Variants in ATP8A2 observed in about 807,000 individuals in gnomAD.
The protein encoded by ATP8A2 is phospholipid-transporting ATPase IB.
A neutral mutation model predicts 165.6 loss-of-function variants in ATP8A2; 100 were observed. That is an observed-to-expected ratio of 0.60 (90% CI 0.51 to 0.71). The LOEUF (loss-of-function observed/expected upper bound fraction) is 0.71. Among genes scored for constraint, ATP8A2 ranks in the 30% least tolerant of loss-of-function variants. The pLI is 0.00. For missense variants in ATP8A2, 1,227 were observed against 1,479.5 expected, an observed-to-expected ratio of 0.83 and a Z score of 2.80; for synonymous variants, 543 against 548.8, an observed-to-expected ratio of 0.99 and a Z score of 0.15.
chr13:25,549,478 C>A (rs961399944), intron 10 of ATP8A2, among the ~76,000 whole-genome samples: 5 of 147,130 alleles, frequency 3.4e-5, no homozygotes, highest in African/African-American at 1.3e-4. Context: ...AAAAAAAAAG[C>A]CTGGGCCCAT....
chr13:25,381,787 G>A (rs2032846848), intron 1 of ATP8A2, among the ~76,000 whole-genome samples: 1 of 152,150 alleles, frequency 6.6e-6, no homozygotes, highest in Admixed American at 6.5e-5. Context: ...GAGCCCCAGG[G>A]TAGGAGAGCT....
chr13:25,428,186 A>G (rs1259742752), intron 1 of ATP8A2, among the ~76,000 whole-genome samples: 2 of 152,062 alleles, frequency 1.3e-5, no homozygotes, highest in South Asian at 2.1e-4. Context: ...CCTGTCTCAA[A>G]AAAAAAAGTC....
chr13:25,861,779 G>A (rs1270548487), intron 32 of ATP8A2, among the ~76,000 whole-genome samples: 2 of 152,096 alleles, frequency 1.3e-5, no homozygotes, highest in African/African-American at 4.8e-5. Context: ...CACATTAAGA[G>A]GACAAAGAAG....
At chr13:25,485,892 A>C (rs1207127854) in intron 2 of ATP8A2, among the ~76,000 whole-genome samples, 1 of 152,158 alleles carries the variant, frequency 6.6e-6, no homozygotes, top group Non-Finnish European at 1.5e-5. Context: ...ATTGTTGGGA[A>C]AGAGTGAGTT....
At chr13:25,537,743 C>A (rs1040012160) in intron 6 of ATP8A2, among the ~76,000 whole-genome samples, 2 of 152,174 alleles carry the variant, frequency 1.3e-5, no homozygotes, top group Non-Finnish European at 2.9e-5. Context: ...TGACTTAGCC[C>A]TTTTCTCCCT....
intron 24 of ATP8A2, among the ~76,000 whole-genome samples, chr13:25,612,126 A>G (rs2040703246): frequency 6.6e-6 from 1 of 151,626 alleles, no homozygotes; most frequent in South Asian, 2.1e-4. Flanking sequence ...TTTTGTTTCA[A>G]TTTTATTTAG....
At chr13:25,576,324 T>C in intron 19 of ATP8A2, among the ~76,000 whole-genome samples, 1 of 152,076 alleles carries the variant, frequency 6.6e-6, no homozygotes, top group African/African-American at 2.4e-5. Flanking sequence ...TGGAGTGTGC[T>C]TCAGGAGGAT....
chr13:25,597,351 C>A (rs891246656), intron 24 of ATP8A2, among the ~76,000 whole-genome samples: 1 of 152,196 alleles, frequency 6.6e-6, no homozygotes. Flanking sequence ...TGATTTTAAC[C>A]AGTAGAATAT....
chr13:25,549,162 T>C (rs1388377808), intron 10 of ATP8A2, among the ~76,000 whole-genome samples: 1 of 152,002 alleles, frequency 6.6e-6, no homozygotes, highest in Non-Finnish European at 1.5e-5. Flanking sequence ...GTGTTGTCTC[T>C]TAAAAGTCCG....
At chr13:25,585,571 A>G (rs903352072) in intron 23 of ATP8A2, among the ~76,000 whole-genome samples, 2 of 152,074 alleles carry the variant, frequency 1.3e-5, no homozygotes, top group Admixed American at 1.3e-4. Flanking sequence ...ACCATTTCTT[A>G]TGGTCTTAGA....
chr13:25,424,245 G>A (rs1029202195), intron 1 of ATP8A2, among the ~76,000 whole-genome samples: 2 of 152,182 alleles, frequency 1.3e-5, no homozygotes, highest in African/African-American at 4.8e-5. Flanking sequence ...TGTGTTGACC[G>A]AAGATAATGA....
chr13:25,387,466 C>T lies in ATP8A2; in HGVS notation c.76+15178C>T, dbSNP rs146199563. Among the ~76,000 whole-genome samples the T allele has an allele frequency of 6.9e-3, 1,043 of 152,220 alleles. 4 individuals are homozygous for T. Among genetic ancestry groups the T allele is most frequent in the Non-Finnish European group, 0.01 (705 of 67,996 alleles). On this transcript the variant is annotated intron_variant, in intron 1 of 36. Coordinates refer to ENST00000381655, the MANE Select transcript of ATP8A2 (RefSeq NM_016529.6). ...CTGAGCTCTTGGTGGGGTTCACCTG[C>T]TAGAGCCTGGGTTTAATGGTGGTCC...
chr13:26,024,949 GC>G lies in ATP8A2; in HGVS notation c.*4966del, dbSNP rs1400266611. The stretch of plus-strand genomic sequence containing the variant: ...TGGGGGTCAAGAGAGCTTATCAAGA[GC>G]CTTTTATAGGTAAGCTCTTCCGTGT... On this transcript the variant is annotated 3_prime_UTR_variant, in exon 37 of 37. Transcript: ENST00000381655. 1 of 152,036 alleles carries G rather than the reference GC, an allele frequency of 6.6e-6. No individual in the cohort carries two copies. Among genetic ancestry groups the G allele is most frequent in the Non-Finnish European group, 1.5e-5 (1 of 68,006 alleles). The allele number at this position is 152,036 out of a possible 1,614,324, so 9.4% of individuals were successfully genotyped here.
At chr13:25,465,755 C>CTCTCTCTT (rs74186599) in intron 1 of ATP8A2, among the ~76,000 whole-genome samples, 188 of 11,830 alleles carry the variant, frequency 0.016, 52 homozygotes, top group African/African-American at 0.029. Context: ...CTCCCTCTCT[C>CTCTCTCTT]TCTCTCTTTC....
intron 33 of ATP8A2, chr13:25,868,056 C>A (rs1032320179): frequency 2.2e-6 from 1 of 452,886 alleles, no homozygotes; most frequent in Non-Finnish European, 4.4e-6. Context: ...GTGTGCTGCC[C>A]GGCCTTGTGG....
At chr13:25,551,564 C>CA (rs1392665711) in intron 11 of ATP8A2, 61 bp downstream of exon 11, 6 of 1,517,932 alleles carry the variant, frequency 4.0e-6, no homozygotes, top group Non-Finnish European at 5.4e-6. Flanking sequence ...GATGTTCTTG[C>CA]AGCCATGGTT....
chr13:25,538,324 TA>T (rs1282801236), intron 7 of ATP8A2, among the ~76,000 whole-genome samples: 1 of 152,204 alleles, frequency 6.6e-6, no homozygotes, highest in Non-Finnish European at 1.5e-5. Context: ...TTCTTATTTA[TA>T]GGGGCACTGA....
chr13:25,413,733 G>A (rs2034046549), intron 1 of ATP8A2, among the ~76,000 whole-genome samples: 1 of 152,126 alleles, frequency 6.6e-6, no homozygotes, highest in Admixed American at 6.6e-5. Context: ...GCGATTTAGA[G>A]GCCAAGGAGG....
At chr13:25,387,320 G>A (rs893442015) in intron 1 of ATP8A2, among the ~76,000 whole-genome samples, 1 of 152,166 alleles carries the variant, frequency 6.6e-6, no homozygotes, top group Non-Finnish European at 1.5e-5. Flanking sequence ...TTCTTTCTGC[G>A]TGTTTGTACA....
Sources: allele counts gnomAD v4.1 joint callset (sites outside exome capture counted in the v4.1 genomes callset), GRCh38; gene constraint gnomAD v4.1.1; transcripts MANE v1.5; gene names NCBI Gene and HGNC (gene_info 2026-07-23, HGNC 2026-07-21).